Variants in SLA observed in about 807,000 individuals in gnomAD.
SLA encodes Src like adaptor.
Under a neutral mutation model 30.3 loss-of-function variants are expected in SLA, and 16 were observed. That is an observed-to-expected ratio of 0.53 (90% CI 0.36 to 0.80). The LOEUF (loss-of-function observed/expected upper bound fraction) is 0.80, where lower values mean the gene tolerates loss of function less well. Among genes scored for constraint, SLA ranks in the 30% least tolerant of loss-of-function variants. SLA has a pLI of 0.01. For missense variants in SLA, 310 were observed against 345.2 expected (o/e 0.90, Z 0.81); for synonymous variants, 143 against 137.8 (o/e 1.04, Z -0.26).
At chr8:133,051,017 G>A (rs1490950396) in intron 3 of SLA, 102 bp from the exon 4 acceptor site, 1 of 681,506 alleles carries the variant, frequency 1.5e-6, no homozygotes, top group East Asian at 2.6e-5. Context: ...AGATTTTCCA[G>A]CAGGAAATAC....
intron 2 of SLA, 116 bp downstream of exon 2, chr8:133,074,737 C>T: frequency 2.1e-6 from 1 of 480,924 alleles, no homozygotes; most frequent in Non-Finnish European, 2.7e-6. Context: ...GACATTGCCC[C>T]ACCTGTTCTC....
chr8:133,038,421 C>T lies in SLA; in HGVS notation c.*103G>A, dbSNP rs539153951. On this transcript the variant is annotated 3_prime_UTR_variant, in exon 9 of 9. Transcript: ENST00000338087. Reference sequence around the variant, plus strand: ...GTGGCTTCTCTTGGCTTCTAAAATACGTGAGGCTCCCAGGGATCAGGGAAC... The same window carrying T: ...GTGGCTTCTCTTGGCTTCTAAAATATGTGAGGCTCCCAGGGATCAGGGAAC... The T allele has an allele frequency of 2.0e-5, 17 of 868,448 alleles. No individual in the cohort carries two copies. Among genetic ancestry groups the T allele is most frequent in the East Asian group, 7.2e-5 (3 of 41,570 alleles). The allele number at this position is 868,448 out of a possible 1,614,324, so 53.8% of individuals were successfully genotyped here.
intron 3 of SLA, among the ~76,000 whole-genome samples, chr8:133,054,924 C>A (rs1436512404): frequency 6.6e-6 from 1 of 152,176 alleles, no homozygotes; most frequent in Non-Finnish European, 1.5e-5. Flanking sequence ...CATTCTCAGT[C>A]ACTCCCACTT....
In SLA at chr8:133,044,193, G is replaced by A. The variant is rs138033765; in HGVS notation, c.484+791C>T. On this transcript the variant is annotated intron_variant, in intron 7 of 8. Coordinates refer to ENST00000338087, the MANE Select transcript of SLA (RefSeq NM_001045556.3). Reference sequence around the variant, plus strand: ...TTGGAAATGTAGCATTTAGCCAACCGTTCACAATTTCTCCCTTTTCTGTAG... The same window carrying A: ...TTGGAAATGTAGCATTTAGCCAACCATTCACAATTTCTCCCTTTTCTGTAG... Among the ~76,000 whole-genome samples, 567 of 152,252 alleles carry A rather than the reference G, an allele frequency of 3.7e-3. 2 individuals are homozygous for A. The highest frequency in any genetic ancestry group is 5.7e-3 in the Non-Finnish European group (385 of 68,016).
intron 3 of SLA, among the ~76,000 whole-genome samples, chr8:133,059,425 G>A (rs1468335821): frequency 2.0e-5 from 3 of 152,134 alleles, no homozygotes; most frequent in Non-Finnish European, 2.9e-5. Context: ...GTTCACTGGT[G>A]TTCCCTCCCA....
In SLA at chr8:133,047,846, C is replaced by A. The variant is rs4489310; in HGVS notation, c.336G>T (p.Glu112Asp). The change falls in exon 6 of 9, where the codon GAG (glutamate) becomes GAT (aspartate). Residue 112 changes from glutamate (E) to aspartate (D), a missense_variant. By Grantham distance (45) the Glu-to-Asp change is conservative (BLOSUM62 2). Transcript: ENST00000338087. The stretch of plus-strand genomic sequence containing the variant: ...GCCACTCACCTTTCTTGGTCTCACT[C>A]TCTCTGATCATGAAGGAGCCGACCT... ...DTKVGSFMIR[E>D]SETKKGFYSL... The A allele has an allele frequency of 5.0e-6, 8 of 1,600,024 alleles. No individual in the cohort carries two copies. Among genetic ancestry groups the A allele is most frequent in the Non-Finnish European group, 6.9e-6 (8 of 1,167,214 alleles).
At position 133,074,977 on chromosome 8, in the gene SLA, G is replaced by A. The variant is rs781693711; in HGVS notation, c.-165C>T. 16 of 985,360 alleles carry A rather than the reference G, an allele frequency of 1.6e-5. No homozygotes were observed. Among genetic ancestry groups the A allele is most frequent in the Middle Eastern group, 5.2e-4 (1 of 1,934 alleles). 61.0% of individuals were successfully genotyped at this position (985,360 alleles called of 1,614,324 possible). The stretch of plus-strand genomic sequence containing the variant: ...ATAAACAGGCAGCCGGGCTTCTCGC[G>A]GTTGTGGAGAAGCAGCCCATGCTAC... On this transcript the variant is annotated 5_prime_UTR_variant, in exon 2 of 9. Coordinates refer to ENST00000338087, the MANE Select transcript of SLA (RefSeq NM_001045556.3).
chr8:133,054,893 T>C (rs905618708), intron 3 of SLA, among the ~76,000 whole-genome samples: 1 of 152,180 alleles, frequency 6.6e-6, no homozygotes, highest in Non-Finnish European at 1.5e-5. Flanking sequence ...TGCATGACCA[T>C]TTCTTTTTAA....
chr8:133,094,485 C>CGTAT, intron 1 of SLA: 1 of 178,346 alleles, frequency 5.6e-6, no homozygotes, highest in Admixed American at 5.4e-5. Context: ...TGTGATCCGC[C>CGTAT]CACCTCAGCC....
At chr8:133,100,658 C>T (rs973923581) in intron 1 of SLA, among the ~76,000 whole-genome samples, 1 of 152,166 alleles carries the variant, frequency 6.6e-6, no homozygotes, top group Non-Finnish European at 1.5e-5. Context: ...CAAATATCCT[C>T]TTCCCATGAC....
intron 2 of SLA, among the ~76,000 whole-genome samples, chr8:133,071,202 T>C (rs534389519): frequency 3.9e-5 from 6 of 152,320 alleles, no homozygotes; most frequent in African/African-American, 1.2e-4. Context: ...GTGTGTTACA[T>C]GTACTCTCCA....
chr8:133,056,792 G>A (rs908533633), intron 3 of SLA, among the ~76,000 whole-genome samples: 1 of 152,172 alleles, frequency 6.6e-6, no homozygotes, highest in African/African-American at 2.4e-5. Flanking sequence ...AGACTAAGGA[G>A]ATAAACTCTT....
chr8:133,078,982 C>G (rs184040334), intron 1 of SLA, among the ~76,000 whole-genome samples: 4 of 152,282 alleles, frequency 2.6e-5, no homozygotes, highest in African/African-American at 9.6e-5. Flanking sequence ...CAAGAAACCT[C>G]TAGGGCTCCT....
intron 1 of SLA, among the ~76,000 whole-genome samples, chr8:133,092,091 C>G (rs1318614307): frequency 6.6e-6 from 1 of 152,168 alleles, no homozygotes; most frequent in East Asian, 1.9e-4. Flanking sequence ...CAGCCAGTGG[C>G]TCACTCTGAT....
At chr8:133,078,821 C>T (rs78751720) in intron 1 of SLA, among the ~76,000 whole-genome samples, 13 of 152,302 alleles carry the variant, frequency 8.5e-5, no homozygotes, top group African/African-American at 1.2e-4. Flanking sequence ...AGAGGACAGA[C>T]GGGGAGAGAA....
intron 1 of SLA, among the ~76,000 whole-genome samples, chr8:133,092,835 G>T (rs928472328): frequency 6.6e-6 from 1 of 152,078 alleles, no homozygotes; most frequent in Admixed American, 6.6e-5. Context: ...AATTTTCCAC[G>T]GTGAAAAAGG....
At position 133,070,029 on chromosome 8, in the gene SLA, A is replaced by AAAAAAAAAC. The variant is rs376711807; in HGVS notation, c.-41+4823_-41+4824insGTTTTTTTT. 1.4e-4 allele frequency among the ~76,000 whole-genome samples: 15 copies of AAAAAAAAAC among 109,810 alleles called. 5 individuals are homozygous for AAAAAAAAAC. The highest frequency in any genetic ancestry group is 2.3e-4 in the African/African-American group (6 of 25,790). 72.0% of individuals were successfully genotyped at this position (109,810 alleles called of 152,430 possible). On this transcript the variant is annotated intron_variant, in intron 2 of 8. Transcript: ENST00000338087. ...AAAAAAAAAAAAAAAAAAAAAAAGA[A>AAAAAAAAAC]AGAAAGAAAGAAAAGAAAAGAAGAA...
At chr8:133,093,146 T>TTCTTTTCTTTTC (rs879559542) in intron 1 of SLA, among the ~76,000 whole-genome samples, 23 of 139,086 alleles carry the variant, frequency 1.7e-4, no homozygotes, top group African/African-American at 5.2e-4. Flanking sequence ...TTTCTTTTTT[T>TTCTTTTCTTTTC]TTTTTAATTT....
intron 3 of SLA, among the ~76,000 whole-genome samples, chr8:133,055,365 GCACACACACACA>G (rs869172140): frequency 0.019 from 1,157 of 62,260 alleles, 13 homozygotes; most frequent in African/African-American, 0.11. Flanking sequence ...ACGCACGCGC[GCACACACACACA>G]CACACACACA....
Sources: gnomAD v4.1 joint callset for allele counts (sites outside exome capture counted in the v4.1 genomes callset) on GRCh38, gnomAD v4.1.1 for gene constraint, MANE v1.5 for transcripts, NCBI Gene and HGNC (gene_info 2026-07-23, HGNC 2026-07-21) for gene names.